KIAA0825: variants seen among roughly 807,000 people sequenced by gnomAD.
The protein encoded by KIAA0825 is uncharacterized protein KIAA0825.
KIAA0825 carries 119 observed loss-of-function variants against 147.6 expected under a neutral mutation model. The observed-to-expected ratio is 0.81, with a 90% CI of 0.69 to 0.94. KIAA0825 has a LOEUF of 0.94. KIAA0825 is among the 40% of genes least tolerant of loss of function. KIAA0825 has a pLI of 0.00. For synonymous variants in KIAA0825, 470 were observed against 518.1 expected (o/e 0.91, Z 1.26); for missense variants, 1,381 against 1,472.7 (o/e 0.94, Z 1.02).
chr5:94,471,682 A>G lies in KIAA0825; in HGVS notation c.1505T>C (p.Leu502Pro), dbSNP rs1761227211. 5 of 1,552,230 alleles carry G rather than the reference A, an allele frequency of 3.2e-6. No homozygotes were observed. The highest frequency in any genetic ancestry group is 2.6e-6 in the Non-Finnish European group (3 of 1,147,130). The stretch of plus-strand genomic sequence containing the variant: ...CTGAAAAGAATCATCTCTGCATGCC[A>G]GAGCCAGTGGAAGCATTGTGTCAAG... ...EKLDTMLPLALACRDDSFQEI... is the reference protein window; with the variant it reads ...EKLDTMLPLAPACRDDSFQEI... The change falls in exon 9 of 21, where the codon CTG becomes CCG. Residue 502 changes from leucine (L) to proline (P), a missense_variant. Leu to Pro is a moderately conservative substitution (Grantham distance 98). Coordinates refer to ENST00000682413, the MANE Select transcript of KIAA0825 (RefSeq NM_001145678.3).
chr5:94,346,777 C>G (rs1454287562), intron 20 of KIAA0825, among the ~76,000 whole-genome samples: 3 of 152,194 alleles, frequency 2.0e-5, no homozygotes, highest in Non-Finnish European at 4.4e-5. Context: ...TCTAGCTGAA[C>G]TTCGTAACAG....
Position 94,396,224 on chromosome 5 carries a change from A to G in KIAA0825, c.3173T>C (p.Ile1058Thr). The change falls in exon 17 of 21, where the codon ATC (isoleucine) becomes ACC (threonine). Residue 1058 changes from isoleucine (I) to threonine (T), a missense_variant. By Grantham distance (89) the Ile-to-Thr change is moderately conservative (BLOSUM62 -1). Transcript: ENST00000682413. Reference protein sequence around the residue: ...LGLICMCLKSIMGDQTSIHNQ... With the variant: ...LGLICMCLKSTMGDQTSIHNQ... ...ATGGATACTTGTCTGGTCTCCCATG[A>G]TGCTTTTCAAACACATACAAATTAA... The G allele has an allele frequency of 6.4e-7, 1 of 1,551,728 alleles. No homozygotes were observed. Among genetic ancestry groups the G allele is most frequent in the Non-Finnish European group, 8.7e-7 (1 of 1,146,982 alleles).
intron 1 of KIAA0825, among the ~76,000 whole-genome samples, chr5:94,606,215 T>C (rs1787457697): frequency 6.6e-6 from 1 of 152,124 alleles, no homozygotes; most frequent in South Asian, 2.1e-4. Context: ...GAAAGATCTC[T>C]ACAATGAGAA....
rs977855096 is a variant in KIAA0825 at position 94,555,410 on chromosome 5, G to A, written c.-1-18283C>T. Among the ~76,000 whole-genome samples the A allele has an allele frequency of 5.3e-5, 8 of 151,996 alleles. No individual in the cohort carries two copies. In the South Asian group the frequency reaches 1.7e-3, roughly 31 times the overall value. On this transcript the variant is annotated intron_variant, in intron 2 of 20. Transcript: ENST00000682413. ...ATGCTTTCTGCTAATAACTGTGGAA[G>A]TTCTGATTACTATAATTATGTAAAC...
intron 12 of KIAA0825, among the ~76,000 whole-genome samples, chr5:94,456,715 T>A (rs79818958): frequency 1.9e-3 from 294 of 152,304 alleles, no homozygotes; most frequent in African/African-American, 6.9e-3. Context: ...ATAATGTATT[T>A]AAAGGATTTA....
intron 1 of KIAA0825, among the ~76,000 whole-genome samples, chr5:94,585,046 A>T (rs1047080232): frequency 6.6e-6 from 1 of 152,218 alleles, no homozygotes; most frequent in East Asian, 1.9e-4. Flanking sequence ...GGAAGCACTA[A>T]ACATGGAAAG....
At chr5:94,370,979 C>G (rs1746621301) in intron 20 of KIAA0825, among the ~76,000 whole-genome samples, 1 of 151,918 alleles carries the variant, frequency 6.6e-6, no homozygotes, top group South Asian at 2.1e-4. Context: ...GACTTATCAA[C>G]CAATAAATAA....
At chr5:94,432,550 A>C (rs1048209429) in intron 14 of KIAA0825, among the ~76,000 whole-genome samples, 2 of 152,064 alleles carry the variant, frequency 1.3e-5, no homozygotes, top group South Asian at 4.2e-4. Context: ...AGGATCCCAT[A>C]TGGTGACACA....
At chr5:94,495,374 C>T (rs558024519) in intron 5 of KIAA0825, among the ~76,000 whole-genome samples, 3 of 152,300 alleles carry the variant, frequency 2.0e-5, no homozygotes, top group Non-Finnish European at 2.9e-5. Flanking sequence ...ACTCCAAATA[C>T]GACTTTGCAG....
chr5:94,412,760 T>A (rs1185854191), intron 15 of KIAA0825, among the ~76,000 whole-genome samples: 1 of 152,104 alleles, frequency 6.6e-6, no homozygotes, highest in African/African-American at 2.4e-5. Context: ...CACTTCTAAG[T>A]ACTTACTGAA....
intron 20 of KIAA0825, among the ~76,000 whole-genome samples, chr5:94,299,015 G>A (rs75635984): frequency 0.021 from 3,151 of 152,130 alleles, 46 homozygotes; most frequent in Non-Finnish European, 0.034. Context: ...TCAGTTGCAG[G>A]AACTCACAAC....
At chr5:94,561,678 A>G (rs757557178) in intron 2 of KIAA0825, among the ~76,000 whole-genome samples, 1 of 152,228 alleles carries the variant, frequency 6.6e-6, no homozygotes, top group African/African-American at 2.4e-5. Flanking sequence ...GATTTTCCAC[A>G]ATGCATAGAA....
intron 2 of KIAA0825, among the ~76,000 whole-genome samples, chr5:94,547,360 G>T (rs1323913419): frequency 1.3e-5 from 2 of 151,968 alleles, no homozygotes; most frequent in African/African-American, 4.8e-5. Flanking sequence ...GTTCAAGAAG[G>T]TTATAGAACA....
intron 20 of KIAA0825, among the ~76,000 whole-genome samples, chr5:94,189,764 C>T (rs543148816): frequency 2.0e-5 from 3 of 152,194 alleles, no homozygotes; most frequent in African/African-American, 7.2e-5. Flanking sequence ...ATTCTGAATC[C>T]TTTACTTTTT....
At chr5:94,421,883 G>A (rs1203962704) in intron 14 of KIAA0825, among the ~76,000 whole-genome samples, 1 of 152,032 alleles carries the variant, frequency 6.6e-6, no homozygotes, top group Non-Finnish European at 1.5e-5. Flanking sequence ...TGTTTCTAAG[G>A]TCTGTGCCCT....
chr5:94,542,395 C>T (rs1378684481), intron 2 of KIAA0825, among the ~76,000 whole-genome samples: 1 of 152,150 alleles, frequency 6.6e-6, no homozygotes, highest in Non-Finnish European at 1.5e-5. Flanking sequence ...AAAGTATACT[C>T]CTGTGACCAA....
chr5:94,202,433 T>C (rs1271558613), intron 20 of KIAA0825, among the ~76,000 whole-genome samples: 1 of 152,178 alleles, frequency 6.6e-6, no homozygotes. Flanking sequence ...TTACTGTGTT[T>C]AAGAGATAAA....
At chr5:94,601,389 C>T (rs897985956) in intron 1 of KIAA0825, among the ~76,000 whole-genome samples, 2 of 152,098 alleles carry the variant, frequency 1.3e-5, no homozygotes, top group East Asian at 3.8e-4. Flanking sequence ...AACCCCAAAC[C>T]CCATCCAAAG....
intron 5 of KIAA0825, among the ~76,000 whole-genome samples, chr5:94,490,404 T>C (rs545369290): frequency 1.3e-5 from 2 of 152,298 alleles, no homozygotes; most frequent in African/African-American, 4.8e-5. Flanking sequence ...ATTTACAATA[T>C]TCTATAAACA....
Sources: allele counts gnomAD v4.1 joint callset (sites outside exome capture counted in the v4.1 genomes callset), GRCh38; gene constraint gnomAD v4.1.1; transcripts MANE v1.5; gene names NCBI Gene and HGNC (gene_info 2026-07-23, HGNC 2026-07-21).